MYOM2: variants seen among roughly 807,000 people sequenced by gnomAD.
MYOM2 encodes the protein myomesin-2.
A neutral mutation model predicts 187.6 loss-of-function variants in MYOM2; 254 were observed. The observed-to-expected ratio is 1.35, with a 90% CI of 1.22 to 1.50. MYOM2 has a LOEUF of 1.50. Ranked by LOEUF, MYOM2 falls within the 40% of genes most tolerant of loss-of-function variation. The probability of loss-of-function intolerance (pLI) is 0.00; values close to 1 mark genes in which losing one functional copy is unlikely to be tolerated. For synonymous variants in MYOM2, 981 were observed against 753.8 expected (o/e 1.30, Z -4.94); for missense variants, 2,796 against 1,924.0 (o/e 1.45, Z -8.48).
rs1798178898 is a variant in MYOM2, at chr8:2,138,985, CG to C, written c.3801-1737del. Reference sequence around the variant, plus strand: ...ACTGCCAGCACCACCACCAGAGACCCGACACACACTGCCAGCACCACCACCA... The same window carrying C: ...ACTGCCAGCACCACCACCAGAGACCCACACACACTGCCAGCACCACCACCA... On this transcript the variant is annotated intron_variant, in intron 32 of 36. Coordinates refer to ENST00000262113, the MANE Select transcript of MYOM2 (RefSeq NM_003970.4). Among the ~76,000 whole-genome samples, 960 of 142,338 alleles carry C rather than the reference CG, an allele frequency of 6.7e-3. 31 individuals are homozygous for C. Among genetic ancestry groups the C allele is most frequent in the African/African-American group, 0.025 (913 of 37,206 alleles). The allele number at this position is 142,338 out of a possible 152,430, so 93.4% of individuals were successfully genotyped here.
At chr8:2,132,526 T>C (rs554639024) in intron 32 of MYOM2, among the ~76,000 whole-genome samples, 15 of 152,334 alleles carry the variant, frequency 9.8e-5, no homozygotes, top group African/African-American at 3.4e-4. Context: ...TCTGAACATA[T>C]TGACCACTGA....
intron 16 of MYOM2, 69 bp downstream of exon 16, chr8:2,092,589 C>T: frequency 2.6e-6 from 4 of 1,511,688 alleles, no homozygotes; most frequent in Admixed American, 2.0e-5. Context: ...GTCCCTGTGG[C>T]CCTGGCACAG....
In MYOM2 at chr8:2,141,624, A is replaced by G. The variant is rs920439779; in HGVS notation, c.4001+447A>G. ...AGGAGAGTTTTATTGTGAGGTTGGA[A>G]TACCTCTGGTTGGAGGGGAGCTTAT... On this transcript the variant is annotated intron_variant, in intron 34 of 36. Coordinates refer to ENST00000262113, the MANE Select transcript of MYOM2 (RefSeq NM_003970.4). Among the ~76,000 whole-genome samples the G allele has an allele frequency of 2.6e-5, 4 of 152,148 alleles. 1 individual carries two copies. Among genetic ancestry groups the G allele is most frequent in the African/African-American group, 9.7e-5 (4 of 41,430 alleles).
intron 32 of MYOM2, among the ~76,000 whole-genome samples, chr8:2,137,690 G>T (rs1798130021): frequency 1.3e-5 from 2 of 152,166 alleles, no homozygotes; most frequent in Admixed American, 6.5e-5. Flanking sequence ...CAACAGAAGA[G>T]TTCCACATGC....
intron 31 of MYOM2, chr8:2,127,797 C>T (rs897361825): frequency 6.3e-6 from 1 of 158,868 alleles, no homozygotes; most frequent in Non-Finnish European, 1.4e-5. Context: ...GACGCCATGA[C>T]GCAGCCGGAG....
At chr8:2,062,023 G>T (rs184475554) in intron 6 of MYOM2, among the ~76,000 whole-genome samples, 101 of 152,336 alleles carry the variant, frequency 6.6e-4, no homozygotes, top group Non-Finnish European at 1.1e-3. Context: ...GATGCCAGGT[G>T]GACCTTCATG....
At chr8:2,108,401 G>A (rs1365002785) in intron 23 of MYOM2, among the ~76,000 whole-genome samples, 5 of 151,980 alleles carry the variant, frequency 3.3e-5, no homozygotes, top group Non-Finnish European at 5.9e-5. Flanking sequence ...GAAAGTCACA[G>A]GCCAGAAGCA....
At chr8:2,084,870 T>C (rs1464069641) in intron 13 of MYOM2, 1 of 173,628 alleles carries the variant, frequency 5.8e-6, no homozygotes, top group African/African-American at 2.4e-5. Context: ...GCCGCCTCCA[T>C]CCGCGGTGCT....
intron 13 of MYOM2, among the ~76,000 whole-genome samples, chr8:2,084,048 G>A (rs931286173): frequency 1.3e-5 from 2 of 152,208 alleles, no homozygotes; most frequent in Non-Finnish European, 2.9e-5. Flanking sequence ...TCCCTCATCA[G>A]CACCTCTGAA....
chr8:2,067,168 A>G (rs1819046101), intron 6 of MYOM2, among the ~76,000 whole-genome samples: 1 of 152,236 alleles, frequency 6.6e-6, no homozygotes, highest in South Asian at 2.1e-4. Context: ...TTTTTGATCT[A>G]AGAAAATATT....
Position 2,106,416 on chromosome 8 carries a change from G to T in MYOM2, c.2891+18G>T. ...GGGGATCAGTAAGTGAGGCCTGGAA[G>T]TTGGATACTGGAAACTTTTAGAAGT... On this transcript the variant is annotated intron_variant, in intron 22 of 36. Transcript: ENST00000262113. 3 of 1,612,546 alleles carry T rather than the reference G, an allele frequency of 1.9e-6. No individual in the cohort carries two copies. The highest frequency in any genetic ancestry group is 2.5e-6 in the Non-Finnish European group (3 of 1,178,664).
intron 11 of MYOM2, among the ~76,000 whole-genome samples, chr8:2,077,113 C>T (rs1819452808): frequency 1.3e-5 from 2 of 152,138 alleles, no homozygotes; most frequent in Admixed American, 6.5e-5. Flanking sequence ...AGATCAAGAG[C>T]ATGCTGGCCA....
chr8:2,083,068 C>T lies in MYOM2; in HGVS notation c.1517-2195C>T, dbSNP rs546632531. On this transcript the variant is annotated intron_variant, in intron 13 of 36. Transcript: ENST00000262113. ...TGGAGGAAACCAATAGTATCTTCCT[C>T]CACACATGAACAGAACCCAAAATAA... 6.0e-4 allele frequency among the ~76,000 whole-genome samples: 91 copies of T among 152,224 alleles called. 1 individual carries two copies. The highest frequency in any genetic ancestry group is 3.4e-3 in the Middle Eastern group (1 of 294).
chr8:2,047,155 G>A (rs1160036116), intron 1 of MYOM2, among the ~76,000 whole-genome samples: 1 of 152,202 alleles, frequency 6.6e-6, no homozygotes, highest in Non-Finnish European at 1.5e-5. Context: ...CCTGTAGGGT[G>A]CATTTGGCAA....
intron 14 of MYOM2, among the ~76,000 whole-genome samples, chr8:2,087,146 G>C (rs1318512169): frequency 6.6e-6 from 1 of 152,200 alleles, no homozygotes; most frequent in Non-Finnish European, 1.5e-5. Flanking sequence ...TGGGTTGTAG[G>C]CCATAGTTGG....
At chr8:2,126,657 G>A (rs1432751147) in intron 31 of MYOM2, among the ~76,000 whole-genome samples, 1 of 150,968 alleles carries the variant, frequency 6.6e-6, no homozygotes, top group African/African-American at 2.4e-5. Flanking sequence ...GGGAAGCACC[G>A]GGAGAGGCTG....
At chr8:2,070,251 G>T (rs1193605453) in intron 8 of MYOM2, among the ~76,000 whole-genome samples, 1 of 152,234 alleles carries the variant, frequency 6.6e-6, no homozygotes, top group Non-Finnish European at 1.5e-5. Context: ...CGTACATTCC[G>T]ATGGAAGCAC....
At chr8:2,129,752 C>G (rs1190882369) in intron 32 of MYOM2, among the ~76,000 whole-genome samples, 1 of 152,190 alleles carries the variant, frequency 6.6e-6, no homozygotes, top group Non-Finnish European at 1.5e-5. Context: ...CCAGAGACTT[C>G]TCATGCAACC....
chr8:2,131,844 C>T (rs950378830), intron 32 of MYOM2, among the ~76,000 whole-genome samples: 1 of 152,020 alleles, frequency 6.6e-6, no homozygotes, highest in Non-Finnish European at 1.5e-5. Flanking sequence ...GGGGTTTCAC[C>T]GTGTTAGCCA....
Sources: allele counts gnomAD v4.1 joint callset (sites outside exome capture counted in the v4.1 genomes callset), GRCh38; gene constraint gnomAD v4.1.1; transcripts MANE v1.5; gene names NCBI Gene and HGNC (gene_info 2026-07-23, HGNC 2026-07-21).